The following PARD3 variants were observed in gnomAD, a reference collection of about 807,000 sequenced individuals.
PARD3 encodes par-3 family cell polarity regulator, also known as partitioning defective 3 homolog.
In PARD3, 75 loss-of-function variants were observed where a neutral mutation model predicts 155.4. That is an observed-to-expected ratio of 0.48 (90% CI 0.40 to 0.58). The LOEUF (loss-of-function observed/expected upper bound fraction) is 0.58. Among genes scored for constraint, PARD3 ranks in the 20% least tolerant of loss-of-function variants. The pLI, the probability that PARD3 is intolerant of heterozygous loss-of-function variation, is 0.00. For missense variants in PARD3, 1,642 were observed against 1,721.7 expected (o/e 0.95, Z 0.82); for synonymous variants, 576 against 610.5 (o/e 0.94, Z 0.83).
At chr10:34,493,699 T>C (rs1241238215) in intron 3 of PARD3, among the ~76,000 whole-genome samples, 2 of 150,638 alleles carry the variant, frequency 1.3e-5, no homozygotes, top group African/African-American at 4.9e-5. Context: ...GCCATTGCAC[T>C]CTAACCTGGG....
intron 3 of PARD3, among the ~76,000 whole-genome samples, chr10:34,499,526 T>C (rs528840631): frequency 6.6e-6 from 1 of 151,274 alleles, no homozygotes. Flanking sequence ...CAGCGGAAAA[T>C]AGTGTGAAAT....
rs929236682 is a variant in PARD3 at position 34,778,743 on chromosome 10, T to A, written c.120+36133A>T. 3.3e-4 allele frequency among the ~76,000 whole-genome samples: 50 copies of A among 152,178 alleles called. 1 individual carries two copies. Reference sequence around the variant, plus strand: ...AAACTATATGTATGCTGAAAAGACTTAAGTGACAAATTATGTTTTTAATAA... The same window carrying A: ...AAACTATATGTATGCTGAAAAGACTAAAGTGACAAATTATGTTTTTAATAA... On this transcript the variant is annotated intron_variant, in intron 1 of 24. Transcript: ENST00000374788.
chr10:34,129,700 C>CTTTTTTTTTTTTTTTT (rs1209547388), intron 23 of PARD3, among the ~76,000 whole-genome samples: 1 of 82,986 alleles, frequency 1.2e-5, no homozygotes, highest in African/African-American at 4.6e-5. Flanking sequence ...TGTCAAGCCT[C>CTTTTTTTTTTTTTTTT]TTTTTTTTTT....
intron 15 of PARD3, among the ~76,000 whole-genome samples, chr10:34,346,658 A>G (rs1837463822): frequency 6.6e-6 from 1 of 152,230 alleles, no homozygotes; most frequent in Admixed American, 6.5e-5. Context: ...TTTGAAAGTG[A>G]TAAACTATGT....
chr10:34,133,263 C>A (rs1272407331), intron 22 of PARD3, among the ~76,000 whole-genome samples: 1 of 152,164 alleles, frequency 6.6e-6, no homozygotes, highest in Non-Finnish European at 1.5e-5. Context: ...CACCCAGACA[C>A]TACCGTGGGG....
chr10:34,353,562 AG>A (rs1838429402), intron 14 of PARD3, among the ~76,000 whole-genome samples: 1 of 152,188 alleles, frequency 6.6e-6, no homozygotes, highest in Admixed American at 6.5e-5. Flanking sequence ...TCAAGTACCC[AG>A]GGACACAAAC....
chr10:34,142,230 A>G (rs1948225599), intron 22 of PARD3, among the ~76,000 whole-genome samples: 1 of 152,164 alleles, frequency 6.6e-6, no homozygotes, highest in Non-Finnish European at 1.5e-5. Context: ...TATACCTATG[A>G]ATTTAAATGC....
intron 14 of PARD3, among the ~76,000 whole-genome samples, chr10:34,355,439 A>C (rs1453131604): frequency 6.6e-6 from 1 of 152,226 alleles, no homozygotes; most frequent in Non-Finnish European, 1.5e-5. Context: ...GCCTTCTACA[A>C]CAGAAAGAAT....
intron 3 of PARD3, among the ~76,000 whole-genome samples, chr10:34,503,697 G>A (rs2080862327): frequency 2.0e-5 from 3 of 152,314 alleles, no homozygotes; most frequent in South Asian, 4.1e-4. Context: ...TCCTCTGTGA[G>A]GAGGAGTGGG....
chr10:34,423,551 T>A (rs2075430262), intron 5 of PARD3, among the ~76,000 whole-genome samples: 1 of 152,188 alleles, frequency 6.6e-6, no homozygotes, highest in Non-Finnish European at 1.5e-5. Flanking sequence ...TGTATATATT[T>A]CAAATCAAGT....
At position 34,694,185 on chromosome 10, in the gene PARD3, C is replaced by T. The variant is rs60168010; in HGVS notation, c.222+2133G>A. On this transcript the variant is annotated intron_variant, in intron 2 of 24. Transcript: ENST00000374788. The stretch of plus-strand genomic sequence containing the variant: ...AAAAAAGAAACAAAAAAAAGAAGGA[C>T]GAAGAAGAAGGGAGAAGAGGAAGAC... Among the ~76,000 whole-genome samples the T allele has an allele frequency of 9.0e-3, 1,356 of 150,896 alleles. 10 individuals are homozygous for T. The highest frequency in any genetic ancestry group is 0.031 in the African/African-American group (1,289 of 41,130).
At chr10:34,455,072 T>A (rs150965610) in intron 4 of PARD3, among the ~76,000 whole-genome samples, 1 of 152,328 alleles carries the variant, frequency 6.6e-6, no homozygotes, top group African/African-American at 2.4e-5. Context: ...ATGGTCAGAT[T>A]TCTTGGCAAG....
In PARD3 at chr10:34,567,215, C is replaced by A. The variant is rs553650365; in HGVS notation, c.223-50056G>T. 2.0e-5 allele frequency among the ~76,000 whole-genome samples: 3 copies of A among 152,222 alleles called. No individual in the cohort carries two copies. The South Asian group carries it at 6.2e-4, about 32-fold the overall frequency. Reference sequence around the variant, plus strand: ...GTGCAATAGAGAAAATGATACTGAACAAAGTACTGATATCAACATTTATAT... The same window carrying A: ...GTGCAATAGAGAAAATGATACTGAAAAAAGTACTGATATCAACATTTATAT... On this transcript the variant is annotated intron_variant, in intron 2 of 24. Transcript: ENST00000374788.
intron 19 of PARD3, among the ~76,000 whole-genome samples, chr10:34,319,057 G>A (rs1958205502): frequency 6.7e-6 from 1 of 149,906 alleles, no homozygotes. Flanking sequence ...GGGATTACAG[G>A]AGTGAGCCAC....
chr10:34,348,886 T>G (rs1012769137), intron 14 of PARD3, among the ~76,000 whole-genome samples: 3 of 152,194 alleles, frequency 2.0e-5, no homozygotes, highest in Non-Finnish European at 4.4e-5. Flanking sequence ...TAAATTAAAA[T>G]GTATCGGGCA....
intron 22 of PARD3, among the ~76,000 whole-genome samples, chr10:34,233,171 C>T (rs1325141405): frequency 1.3e-5 from 2 of 151,886 alleles, no homozygotes; most frequent in African/African-American, 4.9e-5. Flanking sequence ...GGCGTGTAGC[C>T]AGATATCCTC....
chr10:34,672,286 T>C (rs1564488665), intron 2 of PARD3, among the ~76,000 whole-genome samples: 1 of 152,152 alleles, frequency 6.6e-6, no homozygotes, highest in East Asian at 1.9e-4. Flanking sequence ...AAAGCACAAA[T>C]TAACATAAAT....
At chr10:34,734,063 AAAAAGTAACCATATGGTTT>A (rs1205153035) in intron 1 of PARD3, among the ~76,000 whole-genome samples, 2 of 152,212 alleles carry the variant, frequency 1.3e-5, no homozygotes, top group Admixed American at 1.3e-4. Context: ...AAAAAAGTGT[AAAAAGTAACCATATGGTTT>A]TAATGTTTCC....
At chr10:34,317,430 C>T (rs1466881264) in intron 19 of PARD3, 92 bp from the exon 20 acceptor site, 18 of 1,333,032 alleles carry the variant, frequency 1.4e-5, no homozygotes, top group Non-Finnish European at 1.7e-5. Flanking sequence ...TACTTTCCCA[C>T]ACTTTTACTG....
Sources: allele counts gnomAD v4.1 joint callset (sites outside exome capture counted in the v4.1 genomes callset), GRCh38; gene constraint gnomAD v4.1.1; transcripts MANE v1.5; gene names NCBI Gene and HGNC (gene_info 2026-07-23, HGNC 2026-07-21).